Variants in RAPGEF4 observed in about 807,000 individuals in gnomAD.
The protein encoded by RAPGEF4 is Rap guanine nucleotide exchange factor 4.
Under a neutral mutation model 147.9 loss-of-function variants are expected in RAPGEF4, and 66 were observed. That is an observed-to-expected ratio of 0.45 (90% CI 0.37 to 0.55). RAPGEF4 has a LOEUF of 0.55. Ranked by LOEUF, RAPGEF4 falls within the 20% of genes least tolerant of loss-of-function variation. RAPGEF4 has a pLI of 0.00. For missense variants in RAPGEF4, 1,071 were observed against 1,257.3 expected (o/e 0.85, Z 2.24); for synonymous variants, 419 against 442.7 (o/e 0.95, Z 0.67).
intron 1 of RAPGEF4, among the ~76,000 whole-genome samples, chr2:172,776,919 G>A (rs948312550): frequency 1.3e-5 from 2 of 152,008 alleles, no homozygotes; most frequent in Admixed American, 6.5e-5. Context: ...TGTAATCTCT[G>A]ACTCTGTTTT....
intron 1 of RAPGEF4, among the ~76,000 whole-genome samples, chr2:172,768,001 G>A (rs1254855918): frequency 5.3e-5 from 8 of 151,618 alleles, no homozygotes; most frequent in Non-Finnish European, 1.0e-4. Flanking sequence ...TAGTAGAGAC[G>A]GGGTTTCGTC....
chr2:172,813,826 C>G (rs1688247380), intron 3 of RAPGEF4, among the ~76,000 whole-genome samples: 1 of 152,132 alleles, frequency 6.6e-6, no homozygotes, highest in African/African-American at 2.4e-5. Context: ...TGTCCACCAG[C>G]AGGAGGATGA....
intron 11 of RAPGEF4, among the ~76,000 whole-genome samples, chr2:172,984,150 A>T (rs1691986841): frequency 6.6e-6 from 1 of 152,172 alleles, no homozygotes; most frequent in Admixed American, 6.5e-5. Flanking sequence ...AGGAGACAGA[A>T]ATTTTTTGCC....
At chr2:172,952,331 A>G (rs554855273) in intron 6 of RAPGEF4, among the ~76,000 whole-genome samples, 1 of 152,346 alleles carries the variant, frequency 6.6e-6, no homozygotes, top group Admixed American at 6.5e-5. Context: ...CACTATTCCC[A>G]GGTTTGGACT....
chr2:172,879,637 C>CA (rs1191551489), intron 4 of RAPGEF4, among the ~76,000 whole-genome samples: 2 of 151,860 alleles, frequency 1.3e-5, no homozygotes, highest in Non-Finnish European at 2.9e-5. Context: ...CCCGTCTCTA[C>CA]AAAAAAACAC....
chr2:172,852,515 T>C (rs2149741764), intron 4 of RAPGEF4, among the ~76,000 whole-genome samples: 1 of 152,312 alleles, frequency 6.6e-6, no homozygotes, highest in Middle Eastern at 3.4e-3. Context: ...GAGGTAGGTA[T>C]TACTAGTGTT....
Position 172,885,905 on chromosome 2 carries a change from C to T in RAPGEF4, c.445-31897C>T, listed in dbSNP as rs146950337. On this transcript the variant is annotated intron_variant, in intron 4 of 30. Coordinates refer to ENST00000397081, the MANE Select transcript of RAPGEF4 (RefSeq NM_007023.4). ...TTTCCTCTTGCCTAGGAATGGAGTC[C>T]CAGATCCCTAATGCATCTCGGTGCC... Among the ~76,000 whole-genome samples, 83 of 152,220 alleles carry T rather than the reference C, an allele frequency of 5.5e-4. 1 individual carries two copies. The highest frequency in any genetic ancestry group is 1.6e-3 in the African/African-American group (68 of 41,524).
intron 16 of RAPGEF4, among the ~76,000 whole-genome samples, chr2:172,997,904 C>T (rs1051988651): frequency 1.3e-5 from 2 of 152,162 alleles, no homozygotes; most frequent in Admixed American, 1.3e-4. Flanking sequence ...TCCAGTTTCT[C>T]ATTTTATACA....
intron 4 of RAPGEF4, among the ~76,000 whole-genome samples, chr2:172,908,985 G>T (rs1699863215): frequency 6.6e-6 from 1 of 152,150 alleles, no homozygotes; most frequent in Admixed American, 6.5e-5. Flanking sequence ...GCCTTTAGAG[G>T]TCCTGGAGGG....
At chr2:172,981,193 A>G (rs1691643857) in intron 10 of RAPGEF4, among the ~76,000 whole-genome samples, 1 of 152,114 alleles carries the variant, frequency 6.6e-6, no homozygotes, top group Admixed American at 6.5e-5. Flanking sequence ...CTTTTAGCCA[A>G]GCTTCTAGGA....
intron 16 of RAPGEF4, among the ~76,000 whole-genome samples, chr2:173,000,746 CTTTCTTTTTTT>C (rs1693824687): frequency 1.4e-5 from 1 of 72,796 alleles, no homozygotes; most frequent in Non-Finnish European, 3.3e-5. Flanking sequence ...TCTTTTCTTT[CTTTCTTTTTTT>C]TTTTTTTTTG....
intron 6 of RAPGEF4, among the ~76,000 whole-genome samples, chr2:172,922,522 C>G (rs1187230995): frequency 6.6e-6 from 1 of 152,190 alleles, no homozygotes; most frequent in Non-Finnish European, 1.5e-5. Flanking sequence ...TTTAACCAGT[C>G]TGAAGAAAGG....
intron 4 of RAPGEF4, among the ~76,000 whole-genome samples, chr2:172,816,076 C>A (rs1207678421): frequency 6.6e-6 from 1 of 152,046 alleles, no homozygotes; most frequent in East Asian, 1.9e-4. Context: ...CTTAGAATAT[C>A]CTGTTACATA....
At chr2:172,871,798 C>A (rs546259549) in intron 4 of RAPGEF4, among the ~76,000 whole-genome samples, 1 of 152,122 alleles carries the variant, frequency 6.6e-6, no homozygotes, top group East Asian at 1.9e-4. Context: ...TTTCAAGACA[C>A]TTTCCAATTC....
rs3064818 is a variant in RAPGEF4 at position 172,841,791 on chromosome 2, A to AACACACACACACACACACACACACAC, written c.444+27367_444+27392dup. On this transcript the variant is annotated intron_variant, in intron 4 of 30. Coordinates refer to ENST00000397081, the MANE Select transcript of RAPGEF4 (RefSeq NM_007023.4). ...ATCCAAATCTACATGTTGGCTGAAT[A>AACACACACACACACACACACACACAC]ACACACACACACACACACACACACA... 6.7e-3 allele frequency among the ~76,000 whole-genome samples: 992 copies of AACACACACACACACACACACACACAC among 146,994 alleles called. 5 individuals are homozygous for AACACACACACACACACACACACACAC. The highest frequency in any genetic ancestry group is 0.017 in the South Asian group (79 of 4,546).
At chr2:172,878,258 AC>A (rs2149840304) in intron 4 of RAPGEF4, among the ~76,000 whole-genome samples, 1 of 152,198 alleles carries the variant, frequency 6.6e-6, no homozygotes, top group Non-Finnish European at 1.5e-5. Context: ...TGACAAGGTT[AC>A]CTCCCCTAAT....
intron 3 of RAPGEF4, among the ~76,000 whole-genome samples, chr2:172,800,986 C>A (rs1160099756): frequency 6.6e-6 from 1 of 152,116 alleles, no homozygotes; most frequent in Non-Finnish European, 1.5e-5. Flanking sequence ...AGAATTCCTA[C>A]CCCTAGAGAC....
intron 16 of RAPGEF4, among the ~76,000 whole-genome samples, chr2:172,998,484 G>A (rs867106422): frequency 6.6e-6 from 1 of 152,190 alleles, no homozygotes; most frequent in Admixed American, 6.5e-5. Context: ...GGGCCAAGGC[G>A]GGAGGATCAC....
At chr2:172,746,705 C>T (rs953432156) in intron 1 of RAPGEF4, among the ~76,000 whole-genome samples, 19 of 152,004 alleles carry the variant, frequency 1.2e-4, no homozygotes, top group African/African-American at 2.9e-4. Context: ...CTCCGCCTCC[C>T]GGGTTCAAGC....
Sources: gnomAD v4.1 joint callset for allele counts (sites outside exome capture counted in the v4.1 genomes callset) on GRCh38, gnomAD v4.1.1 for gene constraint, MANE v1.5 for transcripts, NCBI Gene and HGNC (gene_info 2026-07-23, HGNC 2026-07-21) for gene names.